The following FAM81A variants were observed in gnomAD, a reference collection of about 807,000 sequenced individuals.
FAM81A encodes the protein family with sequence similarity 81 member A.
Under a neutral mutation model 46.7 loss-of-function variants are expected in FAM81A, and 19 were observed. The ratio of observed to expected loss-of-function variants is 0.41; its 90% CI spans 0.28 to 0.60. FAM81A has a LOEUF of 0.60. FAM81A is among the 20% of genes least tolerant of loss of function. The probability of loss-of-function intolerance (pLI) is 0.34; values close to 1 mark genes in which losing one functional copy is unlikely to be tolerated. For missense variants in FAM81A, 377 were observed against 453.5 expected (o/e 0.83, Z 1.53); for synonymous variants, 183 against 152.9 (o/e 1.20, Z -1.45).
intron 2 of FAM81A, among the ~76,000 whole-genome samples, chr15:59,424,945 C>G (rs1478245852): frequency 6.6e-6 from 1 of 152,220 alleles, no homozygotes; most frequent in Non-Finnish European, 1.5e-5. Context: ...TTAAACCATT[C>G]CATGGCTTAT....
intron 1 of FAM81A, among the ~76,000 whole-genome samples, chr15:59,400,768 G>A (rs2081066788): frequency 6.6e-6 from 1 of 152,176 alleles, no homozygotes; most frequent in Non-Finnish European, 1.5e-5. Context: ...AGTGCCGGTT[G>A]CTTTCATGGG....
At chr15:59,406,832 G>A (rs2081096872) in intron 2 of FAM81A, 1 of 151,500 alleles carries the variant, frequency 6.6e-6, no homozygotes, top group Non-Finnish European at 1.5e-5. Context: ...CACTGGCTTA[G>A]CACAAGAAGG....
At chr15:59,453,260 G>T (rs776883929) in intron 1 of FAM81A, among the ~76,000 whole-genome samples, 1 of 152,168 alleles carries the variant, frequency 6.6e-6, no homozygotes, top group Non-Finnish European at 1.5e-5. Context: ...CCAAATCTCT[G>T]CTCTACTGCT....
intron 3 of FAM81A, among the ~76,000 whole-genome samples, chr15:59,465,184 A>T (rs564150295): frequency 2.2e-4 from 33 of 152,258 alleles, no homozygotes; most frequent in African/African-American, 5.5e-4. Flanking sequence ...GTCTATTTTT[A>T]TGCCAGTACC....
At chr15:59,516,865 C>T (rs752866996) in intron 8 of FAM81A, 25 bp downstream of exon 8, 10 of 1,549,044 alleles carry the variant, frequency 6.5e-6, no homozygotes, top group Middle Eastern at 3.4e-4. Flanking sequence ...GAACAGCTCA[C>T]GTGCTTTATT....
chr15:59,453,447 A>G (rs553480360), intron 1 of FAM81A, among the ~76,000 whole-genome samples: 2 of 152,314 alleles, frequency 1.3e-5, no homozygotes, highest in African/African-American at 4.8e-5. Context: ...GTTACTCGTT[A>G]CGTTACGTGT....
intron 7 of FAM81A, among the ~76,000 whole-genome samples, chr15:59,515,528 G>A (rs2082257781): frequency 6.6e-6 from 1 of 152,090 alleles, no homozygotes; most frequent in Admixed American, 6.6e-5. Context: ...CCCACTTACA[G>A]CTTGGAGTTT....
chr15:59,501,554 G>T (rs1391776425), intron 4 of FAM81A, among the ~76,000 whole-genome samples: 1 of 152,092 alleles, frequency 6.6e-6, no homozygotes, highest in Non-Finnish European at 1.5e-5. Context: ...AATGTCATTG[G>T]GTTTGGTATG....
Position 59,482,169 on chromosome 15 carries a change from CT to C in FAM81A, c.295-10095del, listed in dbSNP as rs1222996188. Among the ~76,000 whole-genome samples the C allele has an allele frequency of 2.0e-5, 3 of 152,110 alleles. 1 individual carries two copies. Among genetic ancestry groups the C allele is most frequent in the South Asian group, 4.1e-4 (2 of 4,824 alleles). ...AAAAAATGTGTGTTTTTTTAAGCCCCTTTTTTTGTGAATTGCTTTCCATTTT... is the reference window on the plus strand; with the variant it reads ...AAAAAATGTGTGTTTTTTTAAGCCCCTTTTTTGTGAATTGCTTTCCATTTT... On this transcript the variant is annotated intron_variant, in intron 3 of 8. Transcript: ENST00000288228.
At chr15:59,444,286 A>G (rs1374133573) in intron 1 of FAM81A, 1 of 152,180 alleles carries the variant, frequency 6.6e-6, no homozygotes, top group Non-Finnish European at 1.5e-5. Flanking sequence ...TGGATGTGAG[A>G]CCCATGCCTT....
At chr15:59,434,980 C>A (rs1469045668), upstream of FAM81A, among the ~76,000 whole-genome samples, 1 of 152,144 alleles carries the variant, frequency 6.6e-6, no homozygotes, top group African/African-American at 2.4e-5. Context: ...AGAGCTCAGC[C>A]GTGGAATAAA....
chr15:59,399,522 T>A (rs553321560), intron 1 of FAM81A, among the ~76,000 whole-genome samples: 1 of 152,256 alleles, frequency 6.6e-6, no homozygotes, highest in African/African-American at 2.4e-5. Flanking sequence ...ATATGGTATC[T>A]GAGCACTGAA....
chr15:59,472,990 C>G (rs1282467706), intron 3 of FAM81A, among the ~76,000 whole-genome samples: 1 of 152,128 alleles, frequency 6.6e-6, no homozygotes, highest in African/African-American at 2.4e-5. Context: ...GACAACTGTA[C>G]AAAATTGAAG....
chr15:59,476,016 T>G (rs7172008), intron 3 of FAM81A, among the ~76,000 whole-genome samples: 1 of 152,096 alleles, frequency 6.6e-6, no homozygotes, highest in Non-Finnish European at 1.5e-5. Flanking sequence ...AAAATGCTGG[T>G]AGATCCAGTG....
At chr15:59,466,205 C>T (rs1280568376) in intron 3 of FAM81A, among the ~76,000 whole-genome samples, 1 of 152,126 alleles carries the variant, frequency 6.6e-6, no homozygotes, top group Non-Finnish European at 1.5e-5. Flanking sequence ...ATTTGCAATC[C>T]TTTGGGTATA....
chr15:59,436,175 T>G (rs538762691), upstream of FAM81A, among the ~76,000 whole-genome samples: 4 of 152,230 alleles, frequency 2.6e-5, no homozygotes, highest in Non-Finnish European at 5.9e-5. Context: ...TGCCTACATA[T>G]GGCAAGAGCC....
chr15:59,441,094 A>G lies in FAM81A; in HGVS notation c.-78+2812A>G, dbSNP rs11629985. Among the ~76,000 whole-genome samples the G allele has an allele frequency of 7.5e-3, 1,144 of 152,294 alleles. 8 individuals carry two copies. The highest frequency in any genetic ancestry group is 0.012 in the Non-Finnish European group (825 of 68,030). On this transcript the variant is annotated intron_variant, in intron 1 of 8. Transcript: ENST00000288228. Reference sequence around the variant, plus strand: ...TCTTTCTCAAAGGAAGAAAATGTCTACAAGTCCCTTCCCCAAGGTTAATCC... The same window carrying G: ...TCTTTCTCAAAGGAAGAAAATGTCTGCAAGTCCCTTCCCCAAGGTTAATCC...
At chr15:59,421,869 CTCTATCTA>C (rs59527837) in intron 2 of FAM81A, among the ~76,000 whole-genome samples, 19,371 of 146,910 alleles carry the variant, frequency 0.13, 1,344 homozygotes, top group East Asian at 0.18. Context: ...ACCCTCAACC[CTCTATCTA>C]TCTATCTATC....
intron 4 of FAM81A, among the ~76,000 whole-genome samples, chr15:59,504,268 T>C (rs2082126625): frequency 6.6e-6 from 1 of 152,200 alleles, no homozygotes; most frequent in African/African-American, 2.4e-5. Flanking sequence ...ATCATTGACA[T>C]GGGAATGATT....
Sources: gnomAD v4.1 joint callset for allele counts (sites outside exome capture counted in the v4.1 genomes callset) on GRCh38, gnomAD v4.1.1 for gene constraint, MANE v1.5 for transcripts, NCBI Gene and HGNC (gene_info 2026-07-23, HGNC 2026-07-21) for gene names.